The following TMTC2 variants were observed in gnomAD, a reference collection of about 807,000 sequenced individuals.
The protein encoded by TMTC2 is protein O-mannosyl-transferase TMTC2.
TMTC2 carries 43 observed loss-of-function variants against 82.4 expected under a neutral mutation model. The observed-to-expected ratio is 0.52, with a 90% confidence interval of 0.41 to 0.67. TMTC2 has a LOEUF of 0.67. Ranked by LOEUF, TMTC2 falls within the 30% of genes least tolerant of loss-of-function variation. The pLI is 0.00. For missense variants in TMTC2, 919 were observed against 1,012.4 expected (o/e 0.91, Z 1.25); for synonymous variants, 408 against 381.9 (o/e 1.07, Z -0.80).
intron 2 of TMTC2, among the ~76,000 whole-genome samples, chr12:82,864,245 G>A (rs1220231745): frequency 6.6e-6 from 1 of 152,004 alleles, no homozygotes; most frequent in Non-Finnish European, 1.5e-5. Context: ...GCTATATTGT[G>A]GCTCCCAAAA....
Position 82,896,595 on chromosome 12 carries a change from C to A in TMTC2, c.1432C>A (p.Gln478Lys), listed in dbSNP as rs1873703265. ...LKTAIRNGDW[Q>K]NEEMLYRSGI... ...GACTGCGATCAGGAATGGAGACTGG[C>A]AGAATGAGGAAATGCTTTATAGATC... Residue 478 changes from glutamine to lysine, a missense_variant, in exon 3 of 12, where the codon CAG becomes AAG. Gln to Lys is a moderately conservative substitution (Grantham distance 53). Transcript: ENST00000321196. 1.2e-6 allele frequency: 2 copies of A among 1,613,658 alleles called. No homozygotes were observed. The highest frequency in any genetic ancestry group is 8.5e-7 in the Non-Finnish European group (1 of 1,179,900).
At chr12:82,939,744 C>G (rs1876601579) in intron 4 of TMTC2, among the ~76,000 whole-genome samples, 1 of 152,080 alleles carries the variant, frequency 6.6e-6, no homozygotes, top group South Asian at 2.1e-4. Flanking sequence ...CTGTCAAGAT[C>G]AAGTTGTTTC....
intron 2 of TMTC2, among the ~76,000 whole-genome samples, chr12:82,873,452 G>T (rs189248672): frequency 6.6e-6 from 1 of 152,026 alleles, no homozygotes; most frequent in South Asian, 2.1e-4. Flanking sequence ...GTATGGGTCA[G>T]TATGGTTGGA....
At chr12:82,903,638 C>T (rs1411727719) in intron 3 of TMTC2, among the ~76,000 whole-genome samples, 3 of 152,178 alleles carry the variant, frequency 2.0e-5, no homozygotes, top group Non-Finnish European at 4.4e-5. Context: ...TGGTCTCGAT[C>T]TCCTGACCTC....
chr12:82,783,961 A>G (rs1878038400), intron 1 of TMTC2, among the ~76,000 whole-genome samples: 1 of 152,072 alleles, frequency 6.6e-6, no homozygotes, highest in Non-Finnish European at 1.5e-5. Context: ...ACAATATTCT[A>G]CAAGTTGTAG....
intron 1 of TMTC2, among the ~76,000 whole-genome samples, chr12:82,777,350 T>G: frequency 6.6e-6 from 1 of 152,180 alleles, no homozygotes; most frequent in Non-Finnish European, 1.5e-5. Context: ...AGGTTAAATA[T>G]GCTTTTCTCT....
intron 8 of TMTC2, among the ~76,000 whole-genome samples, chr12:83,000,683 C>G (rs1879880381): frequency 6.6e-6 from 1 of 152,146 alleles, no homozygotes; most frequent in South Asian, 2.1e-4. Context: ...CCTCTTCTCA[C>G]AGCTCCCGGT....
chr12:83,011,714 G>A lies in TMTC2; in HGVS notation c.2071-19084G>A, dbSNP rs114057474. On this transcript the variant is annotated intron_variant, in intron 8 of 11. Transcript: ENST00000321196. ...CCTCTCCACTTAGCAAAGTCCTACC[G>A]AACTATACAACTTAATCTAAAACAC... Among the ~76,000 whole-genome samples, 344 of 152,140 alleles carry A rather than the reference G, an allele frequency of 2.3e-3. 2 individuals carry two copies. Among genetic ancestry groups the A allele is most frequent in the African/African-American group, 7.9e-3 (327 of 41,514 alleles).
At chr12:82,801,991 C>T (rs139195696) in intron 1 of TMTC2, among the ~76,000 whole-genome samples, 1,845 of 152,188 alleles carry the variant, frequency 0.012, 32 homozygotes, top group Non-Finnish European at 0.019. Flanking sequence ...GGATCCTGCA[C>T]GGGGGCACAG....
intron 4 of TMTC2, among the ~76,000 whole-genome samples, chr12:82,960,972 C>T (rs1223525528): frequency 6.6e-6 from 1 of 151,848 alleles, no homozygotes; most frequent in East Asian, 1.9e-4. Flanking sequence ...TATTAAATTA[C>T]AGGTCCTCAT....
intron 9 of TMTC2, among the ~76,000 whole-genome samples, chr12:83,037,829 T>C (rs181796631): frequency 6.6e-6 from 1 of 152,032 alleles, no homozygotes; most frequent in Non-Finnish European, 1.5e-5. Context: ...AGCACTAATA[T>C]GTTTCTGAAA....
intron 1 of TMTC2, among the ~76,000 whole-genome samples, chr12:82,775,833 C>T (rs915066600): frequency 3.3e-5 from 5 of 151,940 alleles, no homozygotes; most frequent in South Asian, 4.2e-4. Flanking sequence ...AGACAAAATT[C>T]TGCTCAGTTT....
chr12:82,965,415 G>C, intron 5 of TMTC2, 145 bp from the exon 6 acceptor site: 1 of 802,274 alleles, frequency 1.2e-6, no homozygotes, highest in Admixed American at 2.8e-5. Context: ...TACCATTATT[G>C]ATCCCATGAG....
intron 1 of TMTC2, among the ~76,000 whole-genome samples, chr12:82,735,503 G>C (rs1047430450): frequency 2.0e-5 from 3 of 151,674 alleles, no homozygotes; most frequent in African/African-American, 7.3e-5. Context: ...CCGCCACCAC[G>C]CCCGGCTAAT....
At chr12:82,914,653 A>G (rs1874890985) in intron 3 of TMTC2, among the ~76,000 whole-genome samples, 1 of 152,052 alleles carries the variant, frequency 6.6e-6, no homozygotes, top group South Asian at 2.1e-4. Flanking sequence ...GGGCAGATTT[A>G]CTATAAAAGT....
rs560833176 is a variant in TMTC2 at position 82,917,047 on chromosome 12, G to A, written c.1484-13384G>A. 6.5e-4 allele frequency among the ~76,000 whole-genome samples: 99 copies of A among 152,058 alleles called. No individual in the cohort carries two copies. The Middle Eastern group carries it at 0.01, about 16-fold the overall frequency. The stretch of plus-strand genomic sequence containing the variant: ...CTTCAGAAAAAATAAATTCCTGTAG[G>A]CTTACAAAGGCTCTTATTTCCCTGG... On this transcript the variant is annotated intron_variant, in intron 3 of 11. Transcript: ENST00000321196.
chr12:82,890,563 T>C (rs1873343781), intron 2 of TMTC2, among the ~76,000 whole-genome samples: 1 of 152,314 alleles, frequency 6.6e-6, no homozygotes. Flanking sequence ...TACTAAGAAT[T>C]AGAGTTGTAC....
intron 1 of TMTC2, among the ~76,000 whole-genome samples, chr12:82,854,001 C>T (rs1286538316): frequency 6.6e-6 from 1 of 150,692 alleles, no homozygotes; most frequent in Non-Finnish European, 1.5e-5. Context: ...GCAATTACTT[C>T]TGGGTAGACT....
At chr12:82,762,160 G>C (rs576563938) in intron 1 of TMTC2, among the ~76,000 whole-genome samples, 169 of 151,726 alleles carry the variant, frequency 1.1e-3, no homozygotes, top group African/African-American at 3.8e-3. Flanking sequence ...GTAGAGATGG[G>C]GTTTCACCAT....
Sources: allele counts gnomAD v4.1 joint callset (sites outside exome capture counted in the v4.1 genomes callset), GRCh38; gene constraint gnomAD v4.1.1; transcripts MANE v1.5; gene names NCBI Gene and HGNC (gene_info 2026-07-23, HGNC 2026-07-21).